The following GRK4 variants were observed in gnomAD, a reference collection of about 807,000 sequenced individuals.
The protein encoded by GRK4 is G protein-coupled receptor kinase 4, also known as G protein-coupled receptor kinase 2-like.
Under a neutral mutation model 77.9 loss-of-function variants are expected in GRK4, and 73 were observed. That is an observed-to-expected ratio of 0.94 (90% confidence interval 0.78 to 1.14). The LOEUF is 1.14. Among genes scored for constraint, GRK4 ranks in the 50% most tolerant of loss-of-function variants. The pLI is 0.00. For synonymous variants in GRK4, 257 were observed against 254.4 expected (o/e 1.01, Z -0.10); for missense variants, 729 against 700.2 (o/e 1.04, Z -0.46).
chr4:2,988,412 CTT>C (rs1281974256), intron 2 of GRK4, among the ~76,000 whole-genome samples: 2 of 151,988 alleles, frequency 1.3e-5, no homozygotes, highest in Non-Finnish European at 2.9e-5. Flanking sequence ...ATTGGATTGT[CTT>C]TTTGTTGTTG....
intron 1 of GRK4, among the ~76,000 whole-genome samples, chr4:2,973,870 T>C (rs1331099319): frequency 6.6e-6 from 1 of 152,218 alleles, no homozygotes; most frequent in Non-Finnish European, 1.5e-5. Context: ...CCGTAGTCTC[T>C]GCAGTGGCCT....
chr4:2,985,027 C>T (rs1207155814), intron 2 of GRK4, among the ~76,000 whole-genome samples: 1 of 152,148 alleles, frequency 6.6e-6, no homozygotes, highest in Admixed American at 6.5e-5. Context: ...AATTCCTCTC[C>T]CCATGACCGA....
At chr4:2,966,399 G>A (rs1464127487) in intron 1 of GRK4, 2 of 150,914 alleles carry the variant, frequency 1.3e-5, no homozygotes, top group Admixed American at 6.6e-5. Context: ...GTGACAGAGC[G>A]AGACTCCGTC....
chr4:2,967,694 C>T (rs548846988), intron 1 of GRK4, among the ~76,000 whole-genome samples: 141 of 152,198 alleles, frequency 9.3e-4, no homozygotes, highest in South Asian at 2.5e-3. Context: ...CCACTGCACC[C>T]GGCCCGTATT....
At chr4:3,028,518 G>A (rs143069289) in intron 11 of GRK4, among the ~76,000 whole-genome samples, 1,762 of 152,294 alleles carry the variant, frequency 0.012, 15 homozygotes, top group Non-Finnish European at 0.018. Context: ...CACTTGGGGC[G>A]CCCTGGGCAT....
intron 4 of GRK4, among the ~76,000 whole-genome samples, chr4:3,002,410 C>T (rs1156567663): frequency 1.3e-5 from 2 of 152,080 alleles, no homozygotes; most frequent in Non-Finnish European, 2.9e-5. Flanking sequence ...TCAAGACCAG[C>T]CTGGGCAACG....
intron 13 of GRK4, among the ~76,000 whole-genome samples, chr4:3,035,808 G>A (rs1740464171): frequency 6.6e-6 from 1 of 151,926 alleles, no homozygotes; most frequent in East Asian, 1.9e-4. Flanking sequence ...TTTTGCTCAT[G>A]GTGCCTGTCC....
At chr4:3,038,719 G>A (rs1741546287) in intron 15 of GRK4, 1 of 535,580 alleles carries the variant, frequency 1.9e-6, no homozygotes, top group Non-Finnish European at 3.3e-6. Context: ...CTGGGATGAA[G>A]ACTGTTCTGA....
intron 7 of GRK4, among the ~76,000 whole-genome samples, chr4:3,011,035 A>G (rs1732772297): frequency 6.6e-6 from 1 of 152,214 alleles, no homozygotes; most frequent in Non-Finnish European, 1.5e-5. Context: ...TTTCTGTAAG[A>G]AATCCACCCT....
chr4:2,999,554 G>T (rs1014310843), intron 4 of GRK4, among the ~76,000 whole-genome samples: 1 of 152,114 alleles, frequency 6.6e-6, no homozygotes, highest in Non-Finnish European at 1.5e-5. Flanking sequence ...TTCAATAGAT[G>T]GTACTGGAAC....
intron 14 of GRK4, 38 bp downstream of exon 14, chr4:3,037,549 C>T: frequency 6.4e-7 from 1 of 1,571,882 alleles, no homozygotes; most frequent in Non-Finnish European, 8.7e-7. Context: ...ACGTTAGTTC[C>T]AACAGTGACC....
intron 1 of GRK4, among the ~76,000 whole-genome samples, chr4:2,974,783 T>C (rs1720609906): frequency 6.6e-6 from 1 of 152,224 alleles, no homozygotes; most frequent in Non-Finnish European, 1.5e-5. Context: ...ACCCGAGTGG[T>C]ACACCTGTTT....
intron 3 of GRK4, among the ~76,000 whole-genome samples, chr4:2,989,247 G>A (rs1401491081): frequency 6.6e-6 from 1 of 151,996 alleles, no homozygotes; most frequent in Admixed American, 6.6e-5. Flanking sequence ...TGGTTGTCTT[G>A]GTGTCATATT....
chr4:3,036,013 G>T lies in GRK4; in HGVS notation c.1407+490G>T, dbSNP rs1740525975. ...TTTCACTTCTTTTCTAGAGACGGGG[G>T]TCTCCCTATGTTGCCCAGGCTACTT... On this transcript the variant is annotated intron_variant, in intron 13 of 15. Coordinates refer to ENST00000398052, the MANE Select transcript of GRK4 (RefSeq NM_182982.3). Among the ~76,000 whole-genome samples the T allele has an allele frequency of 2.0e-5, 3 of 152,042 alleles. No homozygotes were observed. In the South Asian group the frequency reaches 6.2e-4, roughly 32 times the overall value.
Position 3,038,381 on chromosome 4 carries a change from C to T in GRK4, c.1551C>T (p.Ile517=), listed in dbSNP as rs780571733. ...CTGTTATTCTGTGCATGCAGATGAT[C>T]GAATCTGGGTGTTTCAAAGACATCA... ...CVSIPWQNEM[I]ESGCFKDINK... Residue 517 remains isoleucine, a synonymous_variant, in exon 15 of 16, where the codon ATC becomes ATT. Coordinates refer to ENST00000398052, the MANE Select transcript of GRK4 (RefSeq NM_182982.3). 9 of 1,614,104 alleles carry T rather than the reference C, an allele frequency of 5.6e-6. No homozygotes were observed. Among genetic ancestry groups the T allele is most frequent in the Middle Eastern group, 1.6e-4 (1 of 6,062 alleles).
chr4:3,023,870 GTA>G (rs1198967756), intron 10 of GRK4, among the ~76,000 whole-genome samples: 1 of 152,198 alleles, frequency 6.6e-6, no homozygotes, highest in East Asian at 1.9e-4. Flanking sequence ...TCCCTTTTGT[GTA>G]AACAAAGCAG....
In GRK4 at chr4:3,037,483, GGT is replaced by G. The variant is rs1409472899; in HGVS notation, c.1522_1523del (p.Val508LeufsTer7). 6.2e-7 allele frequency: 1 copy of G among 1,608,662 alleles called. No homozygotes were observed. Among genetic ancestry groups the G allele is most frequent in the Non-Finnish European group, 8.5e-7 (1 of 1,175,516 alleles). Reference sequence around the variant, plus strand: ...GACTTCTATGCTCGGTTTGCTACCGGGTGTGTCTCCATCCCCTGGCAGAATGA... The same window carrying G: ...GACTTCTATGCTCGGTTTGCTACCGGGTGTCTCCATCCCCTGGCAGAATGA... On this transcript the variant is annotated frameshift_variant, in exon 14 of 16. Transcript: ENST00000398052. LOFTEE classifies it high-confidence loss of function.
intron 11 of GRK4, among the ~76,000 whole-genome samples, chr4:3,028,831 G>A (rs1433669771): frequency 6.6e-6 from 1 of 151,782 alleles, no homozygotes; most frequent in Non-Finnish European, 1.5e-5. Flanking sequence ...GAATGCAGTG[G>A]CACAATCTTG....
chr4:2,981,728 T>C (rs1722931928), intron 1 of GRK4, among the ~76,000 whole-genome samples: 1 of 152,252 alleles, frequency 6.6e-6, no homozygotes. Flanking sequence ...GCAGCCCGGC[T>C]GTCAGGCTTC....
Sources: gnomAD v4.1 joint callset for allele counts (sites outside exome capture counted in the v4.1 genomes callset) on GRCh38, gnomAD v4.1.1 for gene constraint, MANE v1.5 for transcripts, NCBI Gene and HGNC (gene_info 2026-07-23, HGNC 2026-07-21) for gene names.